RNF38: variants seen among roughly 807,000 people sequenced by gnomAD.
RNF38 encodes the protein E3 ubiquitin-protein ligase RNF38.
Under a neutral mutation model 67.2 loss-of-function variants are expected in RNF38, and 15 were observed. That is an observed-to-expected ratio of 0.22 (90% CI 0.15 to 0.34). The LOEUF (loss-of-function observed/expected upper bound fraction) is 0.34. RNF38 is among the 10% of genes least tolerant of loss of function. The pLI is 1.00. For missense variants in RNF38, 524 were observed against 639.9 expected (o/e 0.82, Z 1.95); for synonymous variants, 220 against 218.8 (o/e 1.01, Z -0.05).
chr9:36,362,352 C>T (rs1411773833), intron 4 of RNF38, among the ~76,000 whole-genome samples: 1 of 151,788 alleles, frequency 6.6e-6, no homozygotes, highest in Non-Finnish European at 1.5e-5. Flanking sequence ...GAGCAAAACT[C>T]CGTCTCGGGG....
intron 2 of RNF38, among the ~76,000 whole-genome samples, chr9:36,419,395 C>T (rs1198612971): frequency 6.6e-6 from 1 of 152,160 alleles, no homozygotes; most frequent in Non-Finnish European, 1.5e-5. Context: ...AAGACTCCTG[C>T]TCTGAATCAG....
Position 36,344,921 on chromosome 9 carries a change from C to T in RNF38, c.1296G>A (p.Glu432=), listed in dbSNP as rs765405704. ...CTTTAGTCAGTCCACGAGGCTTTGC[C>T]TCTCCCAGTCGCTCTGCCAGGTTTA... ...ALLNLAERLG[E]AKPRGLTKAD... The change falls in exon 10 of 12, where the codon GAG becomes GAA. Residue 432 remains glutamate (E), a synonymous_variant. Transcript: ENST00000259605. 6.2e-6 allele frequency: 10 copies of T among 1,613,714 alleles called. No individual in the cohort carries two copies. The East Asian group carries it at 2.2e-4, about 36-fold the overall frequency.
chr9:36,445,355 A>T (rs1011075652), intron 1 of RNF38, among the ~76,000 whole-genome samples: 1 of 152,180 alleles, frequency 6.6e-6, no homozygotes, highest in African/African-American at 2.4e-5. Context: ...AGGTGCCCCC[A>T]ATTTTGAGAC....
At chr9:36,487,502 G>C in exon 1 of RNF38, 1 of 977,600 alleles carries the variant, frequency 1.0e-6, no homozygotes, top group Non-Finnish European at 1.2e-6. Context: ...AAAGTGCGCG[G>C]CGGCGGCGGC....
At position 36,436,267 on chromosome 9, in the gene RNF38, TA is replaced by T. The variant is rs541313541; in HGVS notation, n.242-11585del. Among the ~76,000 whole-genome samples the T allele has an allele frequency of 1.5e-3, 221 of 152,290 alleles. 1 individual carries two copies. The highest frequency in any genetic ancestry group is 4.5e-3 in the African/African-American group (188 of 41,568). ...AAAGTAAAATACTGAGAAAGTACAT[TA>T]AAAAATATCTAGGGAAGTCAAATGA... On this transcript the variant is annotated intron_variant and non_coding_transcript_variant, in intron 1 of 3. Transcript: ENST00000488058.
Position 36,337,698 on chromosome 9 carries a change from GATT to G in RNF38, c.*2051_*2053del, listed in dbSNP as rs2133276546. 1 of 152,620 alleles carries G rather than the reference GATT, an allele frequency of 6.6e-6. No homozygotes were observed. The highest frequency in any genetic ancestry group is 6.5e-5 in the Admixed American group (1 of 15,288). The allele number at this position is 152,620 out of a possible 1,614,324, so 9.5% of individuals were successfully genotyped here. A position where few individuals can be genotyped will look rare whatever the true frequency, so the allele number is the denominator to read the frequency against. On this transcript the variant is annotated 3_prime_UTR_variant, in exon 12 of 12. Coordinates refer to ENST00000259605, the MANE Select transcript of RNF38 (RefSeq NM_022781.5). Reference sequence around the variant, plus strand: ...AACTATATGTGATTTGTATGTAGCTGATTATTATGCCAAGAATTTTGGTCTTTA... The same window carrying G: ...AACTATATGTGATTTGTATGTAGCTGATTATGCCAAGAATTTTGGTCTTTA...
At chr9:36,385,672 C>T (rs1836570434) in intron 2 of RNF38, among the ~76,000 whole-genome samples, 1 of 152,172 alleles carries the variant, frequency 6.6e-6, no homozygotes, top group Non-Finnish European at 1.5e-5. Flanking sequence ...AGCCACCGTG[C>T]CCAGCCACTA....
At chr9:36,393,841 T>C (rs1837324337) in intron 1 of RNF38, among the ~76,000 whole-genome samples, 1 of 152,024 alleles carries the variant, frequency 6.6e-6, no homozygotes, top group South Asian at 2.1e-4. Context: ...ATGCGAAAGG[T>C]ACCATGTGGC....
chr9:36,426,578 G>A lies in RNF38; in HGVS notation n.242-1895C>T, dbSNP rs544211649. On this transcript the variant is annotated intron_variant and non_coding_transcript_variant, in intron 1 of 3. Transcript: ENST00000488058. Reference sequence around the variant, plus strand: ...TCACTCTGGAAATATTAAGACTAATGCTGTTTTGACATCCATTTATAAGTT... The same window carrying A: ...TCACTCTGGAAATATTAAGACTAATACTGTTTTGACATCCATTTATAAGTT... Among the ~76,000 whole-genome samples, 10 of 152,226 alleles carry A rather than the reference G, an allele frequency of 6.6e-5. No individual in the cohort carries two copies. In the East Asian group the frequency reaches 1.9e-3, roughly 29 times the overall value.
intron 1 of RNF38, among the ~76,000 whole-genome samples, chr9:36,441,430 G>A (rs987653804): frequency 2.0e-5 from 3 of 151,278 alleles, no homozygotes; most frequent in Non-Finnish European, 2.9e-5. Context: ...GGGTTCACAC[G>A]ATTCTCCTGC....
rs534150242 is a variant in RNF38 at position 36,452,015 on chromosome 9, A to G, written n.242-27332T>C. 4.6e-5 allele frequency among the ~76,000 whole-genome samples: 7 copies of G among 152,186 alleles called. No homozygotes were observed. In the East Asian group the frequency reaches 1.2e-3, roughly 25 times the overall value. On this transcript the variant is annotated intron_variant and non_coding_transcript_variant, in intron 1 of 3. Coordinates refer to the RNF38 transcript ENST00000488058. Reference sequence around the variant, plus strand: ...ATGGATCACTTGAGCTCAGGAGTTCAAGAATAGCCTGGGCCACATAGTGAG... The same window carrying G: ...ATGGATCACTTGAGCTCAGGAGTTCGAGAATAGCCTGGGCCACATAGTGAG...
exon 1 of RNF38, chr9:36,487,513 T>G: frequency 1.0e-6 from 1 of 979,374 alleles, no homozygotes; most frequent in Non-Finnish European, 1.2e-6. Flanking sequence ...CGGCGGCGGC[T>G]GCTGAGGCGG....
At chr9:36,381,916 G>A (rs1001493146) in intron 2 of RNF38, among the ~76,000 whole-genome samples, 1 of 152,136 alleles carries the variant, frequency 6.6e-6, no homozygotes, top group Non-Finnish European at 1.5e-5. Flanking sequence ...ACAGAGTTGG[G>A]TCTTTCCATT....
intron 1 of RNF38, among the ~76,000 whole-genome samples, chr9:36,446,445 G>A (rs1839301833): frequency 6.6e-6 from 1 of 152,120 alleles, no homozygotes; most frequent in African/African-American, 2.4e-5. Context: ...GGAATGGTTT[G>A]GAAACAACTG....
chr9:36,465,783 G>A (rs894774547), intron 1 of RNF38, among the ~76,000 whole-genome samples: 1 of 152,108 alleles, frequency 6.6e-6, no homozygotes, highest in Non-Finnish European at 1.5e-5. Context: ...GGGCGCGGTG[G>A]CTCACGCCTG....
At chr9:36,366,941 C>T (rs1835014282) in intron 4 of RNF38, among the ~76,000 whole-genome samples, 1 of 152,130 alleles carries the variant, frequency 6.6e-6, no homozygotes, top group Admixed American at 6.5e-5. Flanking sequence ...CTGAGGTACC[C>T]ATTACTTTAA....
Position 36,468,788 on chromosome 9 carries a change from A to G in RNF38, n.241+18520T>C, listed in dbSNP as rs184855383. Among the ~76,000 whole-genome samples, 12 of 151,686 alleles carry G rather than the reference A, an allele frequency of 7.9e-5. No homozygotes were observed. The East Asian group carries it at 2.3e-3, about 30-fold the overall frequency. ...GATCATGCCACTGCACTCCAGCCTGAGCAACAAGAGCAAAACTCTGTCTCA... is the reference window on the plus strand; with the variant it reads ...GATCATGCCACTGCACTCCAGCCTGGGCAACAAGAGCAAAACTCTGTCTCA... On this transcript the variant is annotated intron_variant and non_coding_transcript_variant, in intron 1 of 3. Transcript: ENST00000488058.
intron 1 of RNF38, among the ~76,000 whole-genome samples, chr9:36,434,622 CAGGTGAT>C (rs917973552): frequency 1.3e-5 from 2 of 152,170 alleles, no homozygotes; most frequent in Non-Finnish European, 2.9e-5. Flanking sequence ...CTCCTGACCT[CAGGTGAT>C]CTGCCCATCT....
chr9:36,398,023 G>GT (rs1351838558), intron 1 of RNF38, among the ~76,000 whole-genome samples: 1 of 152,098 alleles, frequency 6.6e-6, no homozygotes, highest in East Asian at 1.9e-4. Context: ...ATAATTGTGG[G>GT]TTTTACAATA....
Sources: gnomAD v4.1 joint callset for allele counts (sites outside exome capture counted in the v4.1 genomes callset) on GRCh38, gnomAD v4.1.1 for gene constraint, MANE v1.5 for transcripts, NCBI Gene and HGNC (gene_info 2026-07-23, HGNC 2026-07-21) for gene names.